The following DAB1 variants were observed in gnomAD, a reference collection of about 807,000 sequenced individuals.
The protein encoded by DAB1 is disabled homolog 1.
In DAB1, 15 loss-of-function variants were observed where a neutral mutation model predicts 64.6. The observed-to-expected ratio is 0.23, with a 90% CI of 0.16 to 0.36. The LOEUF is 0.36. Ranked by LOEUF, DAB1 falls within the 10% of genes least tolerant of loss-of-function variation. DAB1 has a pLI of 1.00. For missense variants in DAB1, 596 were observed against 706.7 expected (o/e 0.84, Z 1.78); for synonymous variants, 235 against 251.9 (o/e 0.93, Z 0.64).
chr1:57,133,766 G>C (rs531956522), intron 4 of DAB1, among the ~76,000 whole-genome samples: 1 of 152,200 alleles, frequency 6.6e-6, no homozygotes, highest in South Asian at 2.1e-4. Flanking sequence ...AGTCAAGCTT[G>C]AGCAAAAATA....
intron 4 of DAB1, among the ~76,000 whole-genome samples, chr1:58,171,864 C>T (rs998020989): frequency 4.6e-5 from 7 of 152,356 alleles, no homozygotes; most frequent in Admixed American, 1.3e-4. Flanking sequence ...GGGTACAAGG[C>T]ATCTAGGTTG....
chr1:57,152,252 C>T (rs1659758877), intron 2 of DAB1, among the ~76,000 whole-genome samples: 1 of 152,228 alleles, frequency 6.6e-6, no homozygotes, highest in African/African-American at 2.4e-5. Flanking sequence ...ATCCTTAACA[C>T]TTTCCTACTT....
chr1:57,344,506 A>G (rs913839540), intron 1 of DAB1, among the ~76,000 whole-genome samples: 1 of 152,024 alleles, frequency 6.6e-6, no homozygotes, highest in African/African-American at 2.4e-5. Flanking sequence ...GGGGAATGCT[A>G]AATTGTACAC....
intron 7 of DAB1, among the ~76,000 whole-genome samples, chr1:57,439,143 A>T (rs1685812540): frequency 6.6e-6 from 1 of 152,098 alleles, no homozygotes; most frequent in Admixed American, 6.5e-5. Flanking sequence ...TCTTTGCCAG[A>T]TTTGAAGGGG....
intron 6 of DAB1, among the ~76,000 whole-genome samples, chr1:57,761,228 C>T (rs12132591): frequency 0.18 from 26,702 of 152,174 alleles, 3,055 homozygotes; most frequent in Admixed American, 0.29. Context: ...AAGTGTCTAT[C>T]CCTTACTGAT....
intron 5 of DAB1, among the ~76,000 whole-genome samples, chr1:57,981,038 T>G (rs1308587438): frequency 1.3e-5 from 2 of 151,890 alleles, no homozygotes; most frequent in Non-Finnish European, 2.9e-5. Flanking sequence ...CCTAAATGCT[T>G]AAAAATACAT....
chr1:57,312,481 T>C (rs1674803344), intron 1 of DAB1, among the ~76,000 whole-genome samples: 1 of 152,156 alleles, frequency 6.6e-6, no homozygotes, highest in African/African-American at 2.4e-5. Context: ...ACACATAATT[T>C]TATCTAAGCA....
chr1:58,235,724 A>G (rs1659996301), intron 4 of DAB1, among the ~76,000 whole-genome samples: 1 of 152,194 alleles, frequency 6.6e-6, no homozygotes, highest in Non-Finnish European at 1.5e-5. Flanking sequence ...CAACAGCATC[A>G]TCCTCAGTGA....
intron 3 of DAB1, among the ~76,000 whole-genome samples, chr1:58,350,839 A>G (rs1012565844): frequency 1.3e-5 from 2 of 152,150 alleles, no homozygotes; most frequent in Non-Finnish European, 2.9e-5. Context: ...TACCAGTACC[A>G]TGCTGTTTTG....
intron 3 of DAB1, among the ~76,000 whole-genome samples, chr1:58,494,038 CAA>C (rs1410443862): frequency 6.6e-6 from 1 of 151,932 alleles, no homozygotes. Flanking sequence ...CTACAGTAAC[CAA>C]AACAGCATGG....
At chr1:58,460,070 AT>A (rs1324849954) in intron 3 of DAB1, among the ~76,000 whole-genome samples, 3 of 152,228 alleles carry the variant, frequency 2.0e-5, no homozygotes, top group African/African-American at 7.2e-5. Context: ...GTACTGAAGA[AT>A]TTGTGGACAT....
At chr1:57,815,258 T>C (rs1014778919) in intron 6 of DAB1, among the ~76,000 whole-genome samples, 4 of 151,970 alleles carry the variant, frequency 2.6e-5, no homozygotes, top group Non-Finnish European at 5.9e-5. Flanking sequence ...TTAGTAGAGA[T>C]AGCGTTTCAC....
At chr1:58,224,441 C>G (rs1054943075) in intron 4 of DAB1, among the ~76,000 whole-genome samples, 1 of 152,142 alleles carries the variant, frequency 6.6e-6, no homozygotes, top group Non-Finnish European at 1.5e-5. Flanking sequence ...ATAAGATGAA[C>G]AGCAACAATG....
intron 2 of DAB1, among the ~76,000 whole-genome samples, chr1:58,525,686 G>A (rs1646338106): frequency 6.6e-6 from 1 of 152,074 alleles, no homozygotes; most frequent in Non-Finnish European, 1.5e-5. Flanking sequence ...AAAACCCCAT[G>A]TGTTTTTCTA....
At chr1:58,207,659 G>C (rs1284906838) in intron 4 of DAB1, among the ~76,000 whole-genome samples, 1 of 152,178 alleles carries the variant, frequency 6.6e-6, no homozygotes, top group Non-Finnish European at 1.5e-5. Context: ...AACCTGAAAT[G>C]GTTGATTACT....
chr1:57,918,550 C>T (rs541357585), intron 5 of DAB1, among the ~76,000 whole-genome samples: 10 of 152,244 alleles, frequency 6.6e-5, no homozygotes, highest in African/African-American at 9.6e-5. Context: ...CTAAGCCAGG[C>T]GCGGTGGCTC....
intron 1 of DAB1, among the ~76,000 whole-genome samples, chr1:57,361,369 C>T (rs764194434): frequency 9.9e-5 from 15 of 152,052 alleles, no homozygotes; most frequent in Non-Finnish European, 2.1e-4. Context: ...ATAAATATGA[C>T]CACATATGTA....
At chr1:58,010,647 T>C (rs1021941816) in intron 5 of DAB1, among the ~76,000 whole-genome samples, 2 of 152,218 alleles carry the variant, frequency 1.3e-5, no homozygotes, top group African/African-American at 4.8e-5. Flanking sequence ...GCTTAAAAAT[T>C]GAGAGAGGCA....
At chr1:58,032,089 G>GCAGTATCT (rs1323948655) in intron 5 of DAB1, among the ~76,000 whole-genome samples, 1 of 150,268 alleles carries the variant, frequency 6.7e-6, no homozygotes, top group Non-Finnish European at 1.5e-5. Flanking sequence ...CTATGGACAA[G>GCAGTATCT]CAGTATCTGC....
Sources: allele counts gnomAD v4.1 joint callset (sites outside exome capture counted in the v4.1 genomes callset), GRCh38; gene constraint gnomAD v4.1.1; transcripts MANE v1.5; gene names NCBI Gene and HGNC (gene_info 2026-07-23, HGNC 2026-07-21).